Variants in RIT1 observed in about 807,000 individuals in gnomAD.
RIT1 encodes the protein GTP-binding protein Rit1.
Under a neutral mutation model 25.6 loss-of-function variants are expected in RIT1, and 6 were observed. That is an observed-to-expected ratio of 0.23 (90% confidence interval 0.13 to 0.46). The LOEUF is 0.46. Ranked by LOEUF, RIT1 falls within the 20% of genes least tolerant of loss-of-function variation. The pLI, the probability that RIT1 is intolerant of heterozygous loss-of-function variation, is 0.99. For missense variants in RIT1, 219 were observed against 284.4 expected, an observed-to-expected ratio of 0.77 and a Z score of 1.65; for synonymous variants, 81 against 94.1, an observed-to-expected ratio of 0.86 and a Z score of 0.80.
intron 5 of RIT1, among the ~76,000 whole-genome samples, chr1:155,903,296 A>G (rs2102583614): frequency 6.6e-6 from 1 of 151,028 alleles, no homozygotes. Context: ...CTCCGTCTCA[A>G]AAAAAAATTA....
At chr1:155,909,239 T>G (rs550092) in intron 3 of RIT1, among the ~76,000 whole-genome samples, 143,716 of 151,944 alleles carry the variant, frequency 0.95, 68,510 homozygotes, top group East Asian at 1. Context: ...TTAGCCGGGC[T>G]TGGTGGCGGG....
chr1:155,910,367 A>C, intron 3 of RIT1, 83 bp downstream of exon 3: 1 of 1,235,832 alleles, frequency 8.1e-7, no homozygotes, highest in South Asian at 1.3e-5. Flanking sequence ...AAGCCTCAAA[A>C]TATAAATAGT....
intron 5 of RIT1, among the ~76,000 whole-genome samples, chr1:155,902,699 GA>G (rs140077956): frequency 0.11 from 16,443 of 150,808 alleles, 1,299 homozygotes; most frequent in Middle Eastern, 0.19. Flanking sequence ...AAATTAGCTG[GA>G]TGTGGTGGCA....
intron 5 of RIT1, among the ~76,000 whole-genome samples, chr1:155,901,880 A>G (rs1553228604): frequency 6.6e-6 from 1 of 151,848 alleles, no homozygotes; most frequent in Non-Finnish European, 1.5e-5. Context: ...GGGAGGCTGA[A>G]GCAGGCAGGC....
At chr1:155,902,857 A>G (rs1211480292) in intron 5 of RIT1, among the ~76,000 whole-genome samples, 2 of 151,492 alleles carry the variant, frequency 1.3e-5, no homozygotes, top group Non-Finnish European at 2.9e-5. Flanking sequence ...CAACAAAATT[A>G]AAATAAAAAT....
intron 3 of RIT1, among the ~76,000 whole-genome samples, chr1:155,906,288 A>C (rs1050951453): frequency 6.6e-5 from 10 of 152,206 alleles, no homozygotes; most frequent in Admixed American, 2.0e-4. Flanking sequence ...TGCTGCTTAC[A>C]TCTCAATGTA....
In RIT1 at chr1:155,899,553, C is replaced by G. The variant is rs770719051; in HGVS notation, c.*835G>C. 1.8e-5 allele frequency: 4 copies of G among 225,076 alleles called. No individual in the cohort carries two copies. Among genetic ancestry groups the G allele is most frequent in the Non-Finnish European group, 2.7e-5 (3 of 112,852 alleles). 13.9% of individuals were successfully genotyped at this position (225,076 alleles called of 1,614,324 possible). A position where few individuals can be genotyped will look rare whatever the true frequency, so the allele number is the denominator to read the frequency against. On this transcript the variant is annotated 3_prime_UTR_variant, in exon 6 of 6. Coordinates refer to ENST00000368323, the MANE Select transcript of RIT1 (RefSeq NM_006912.6). ...GTGCGTCTGTGGGGAAAAAATAAAC[C>G]TGTACAAGGCAATGGCTGATCCAAC... is the stretch of plus-strand genomic sequence containing the variant.
At chr1:155,907,773 G>C (rs2102588044) in intron 3 of RIT1, among the ~76,000 whole-genome samples, 1 of 152,356 alleles carries the variant, frequency 6.6e-6, no homozygotes, top group African/African-American at 2.4e-5. Context: ...CAGGAGAGTA[G>C]TTAACTGGAG....
chr1:155,904,289 G>T, intron 5 of RIT1, 22 bp downstream of exon 5: 2 of 1,524,438 alleles, frequency 1.3e-6, no homozygotes, highest in Non-Finnish European at 1.8e-6. Flanking sequence ...ATTATAGACA[G>T]TATTTTCTTC....
At chr1:155,910,880 T>C (rs1162582826) in intron 1 of RIT1, 76 bp from the exon 2 acceptor site, 1 of 1,583,302 alleles carries the variant, frequency 6.3e-7, no homozygotes, top group East Asian at 2.3e-5. Context: ...TGCCTTACCT[T>C]TCCATACATA....
At chr1:155,907,519 G>A (rs541016621) in intron 3 of RIT1, among the ~76,000 whole-genome samples, 1 of 152,302 alleles carries the variant, frequency 6.6e-6, no homozygotes, top group South Asian at 2.1e-4. Context: ...CAGGATTGCA[G>A]GCTCAGGATT....
chr1:155,909,505 T>C (rs1450573786), intron 3 of RIT1, among the ~76,000 whole-genome samples: 1 of 152,178 alleles, frequency 6.6e-6, no homozygotes, highest in Non-Finnish European at 1.5e-5. Flanking sequence ...CCTTATGGTT[T>C]AGGAATGACA....
chr1:155,904,126 A>G lies in RIT1; in HGVS notation c.429+185T>C, dbSNP rs1253051236. On this transcript the variant is annotated intron_variant, in intron 5 of 5. Transcript: ENST00000368323. The stretch of plus-strand genomic sequence containing the variant: ...GCCATGTTGCTCAGGCTGGTCTCAA[A>G]CTCCTGACCTTAAGCAACCTGCCCA... Among the ~76,000 whole-genome samples, 10 of 152,020 alleles carry G rather than the reference A, an allele frequency of 6.6e-5. No individual in the cohort carries two copies. In the East Asian group the frequency reaches 1.9e-3, roughly 29 times the overall value.
At chr1:155,909,189 C>T (rs561531716) in intron 3 of RIT1, among the ~76,000 whole-genome samples, 1 of 151,822 alleles carries the variant, frequency 6.6e-6, no homozygotes, top group East Asian at 2.0e-4. Flanking sequence ...TCCTGGCTAA[C>T]ACGGTGAAAT....
chr1:155,908,960 G>A (rs1673516951), intron 3 of RIT1, among the ~76,000 whole-genome samples: 1 of 152,078 alleles, frequency 6.6e-6, no homozygotes, highest in African/African-American at 2.4e-5. Flanking sequence ...TCTATGAAAT[G>A]ACCATATCAA....
Position 155,900,172 on chromosome 1 carries a change from A to C in RIT1, c.*216T>G. On this transcript the variant is annotated 3_prime_UTR_variant, in exon 6 of 6. Transcript: ENST00000368323. The stretch of plus-strand genomic sequence containing the variant: ...CAAAACATTGGTAGAACAAATTCTA[A>C]TGTGACAATTTAAAAGCAGACAGTG... The C allele has an allele frequency of 1.9e-6, 1 of 528,148 alleles. No individual in the cohort carries two copies. Among genetic ancestry groups the C allele is most frequent in the Non-Finnish European group, 3.3e-6 (1 of 298,742 alleles). The allele number at this position is 528,148 out of a possible 1,614,324, so 32.7% of individuals were successfully genotyped here.
intron 5 of RIT1, among the ~76,000 whole-genome samples, chr1:155,903,975 T>G (rs1315064906): frequency 6.6e-6 from 1 of 152,198 alleles, no homozygotes; most frequent in Non-Finnish European, 1.5e-5. Flanking sequence ...CCAACCTCAC[T>G]GCAACCTCCA....
At chr1:155,909,032 A>C (rs1557962022) in intron 3 of RIT1, among the ~76,000 whole-genome samples, 1 of 152,102 alleles carries the variant, frequency 6.6e-6, no homozygotes, top group Non-Finnish European at 1.5e-5. Flanking sequence ...GGCCTGACCC[A>C]ATGGAAATCC....
Position 155,900,035 on chromosome 1 carries a change from A to G in RIT1, c.*353T>C. 1 of 275,818 alleles carries G rather than the reference A, an allele frequency of 3.6e-6. No homozygotes were observed. The highest frequency in any genetic ancestry group is 6.9e-6 in the Non-Finnish European group (1 of 143,894). 17.1% of individuals were successfully genotyped at this position (275,818 alleles called of 1,614,324 possible). On this transcript the variant is annotated 3_prime_UTR_variant, in exon 6 of 6. Coordinates refer to ENST00000368323, the MANE Select transcript of RIT1 (RefSeq NM_006912.6). Reference sequence around the variant, plus strand: ...TCCCAGGAAATTGAAATTAAAGGATAATGTGGAGTGCAGAGCCAAAAACTT... The same window carrying G: ...TCCCAGGAAATTGAAATTAAAGGATGATGTGGAGTGCAGAGCCAAAAACTT...
Sources: gnomAD v4.1 joint callset for allele counts (sites outside exome capture counted in the v4.1 genomes callset) on GRCh38, gnomAD v4.1.1 for gene constraint, MANE v1.5 for transcripts, NCBI Gene and HGNC (gene_info 2026-07-23, HGNC 2026-07-21) for gene names.